CACNA2D3: variants seen among roughly 807,000 people sequenced by gnomAD.
CACNA2D3 encodes voltage-dependent calcium channel subunit alpha-2/delta-3.
CACNA2D3 carries 60 observed loss-of-function variants against 160.6 expected under a neutral mutation model. The ratio of observed to expected loss-of-function variants is 0.37; its 90% CI spans 0.30 to 0.46. The LOEUF (loss-of-function observed/expected upper bound fraction) is 0.46, where lower values mean the gene tolerates loss of function less well. Among genes scored for constraint, CACNA2D3 ranks in the 20% least tolerant of loss-of-function variants. The pLI is 1.00. For synonymous variants in CACNA2D3, 558 were observed against 492.9 expected (o/e 1.13, Z -1.75); for missense variants, 1,205 against 1,365.0 (o/e 0.88, Z 1.85).
intron 4 of CACNA2D3, among the ~76,000 whole-genome samples, chr3:54,429,904 G>A (rs1699964363): frequency 6.6e-6 from 1 of 152,158 alleles, no homozygotes. Context: ...GTAATCATAA[G>A]AGGGTTAGAT....
intron 31 of CACNA2D3, among the ~76,000 whole-genome samples, chr3:55,000,213 C>G (rs1038354117): frequency 2.6e-5 from 4 of 152,120 alleles, no homozygotes; most frequent in Admixed American, 2.6e-4. Flanking sequence ...ATCAGCCGAA[C>G]AGGATACAGG....
chr3:54,773,382 C>G (rs1215657453), intron 13 of CACNA2D3, among the ~76,000 whole-genome samples: 1 of 152,126 alleles, frequency 6.6e-6, no homozygotes, highest in East Asian at 1.9e-4. Flanking sequence ...CAAAGAAGTT[C>G]CAATCGTCAA....
intron 11 of CACNA2D3, among the ~76,000 whole-genome samples, chr3:54,739,185 C>T (rs556673060): frequency 1.3e-5 from 2 of 151,850 alleles, no homozygotes; most frequent in African/African-American, 2.4e-5. Context: ...TTGGGGAGGC[C>T]GAGGTGAGTG....
intron 27 of CACNA2D3, among the ~76,000 whole-genome samples, chr3:54,965,064 T>C (rs1702118216): frequency 6.6e-6 from 1 of 152,184 alleles, no homozygotes; most frequent in African/African-American, 2.4e-5. Context: ...ATACTTTTTC[T>C]GTAAAGGACC....
chr3:55,045,961 A>G (rs1704069735), intron 35 of CACNA2D3, among the ~76,000 whole-genome samples: 1 of 151,612 alleles, frequency 6.6e-6, no homozygotes, highest in Admixed American at 6.6e-5. Context: ...CTAGTTTCTT[A>G]TAGTAGAAAC....
At chr3:54,223,180 C>A (rs1203187959) in intron 2 of CACNA2D3, among the ~76,000 whole-genome samples, 1 of 152,140 alleles carries the variant, frequency 6.6e-6, no homozygotes, top group African/African-American at 2.4e-5. Context: ...GGCATATGTT[C>A]TGAGAATTGT....
chr3:54,290,970 A>C (rs1703185145), intron 2 of CACNA2D3, among the ~76,000 whole-genome samples: 2 of 152,342 alleles, frequency 1.3e-5, no homozygotes, highest in East Asian at 1.9e-4. Flanking sequence ...TGACGAGTTA[A>C]TGGGTGCAGC....
At chr3:55,067,894 A>G (rs1167527424) in intron 35 of CACNA2D3, among the ~76,000 whole-genome samples, 3 of 152,248 alleles carry the variant, frequency 2.0e-5, no homozygotes, top group Non-Finnish European at 4.4e-5. Context: ...AGATGCTCAA[A>G]TCACTTGGCT....
intron 18 of CACNA2D3, chr3:54,875,010 T>C (rs1019086305): frequency 6.6e-6 from 1 of 152,176 alleles, no homozygotes; most frequent in Non-Finnish European, 1.5e-5. Flanking sequence ...AAGCCTTTTT[T>C]CCCCTACTAC....
intron 4 of CACNA2D3, among the ~76,000 whole-genome samples, chr3:54,460,621 A>G (rs1280142541): frequency 6.6e-6 from 1 of 152,112 alleles, no homozygotes; most frequent in East Asian, 1.9e-4. Context: ...TTGTACATTG[A>G]TTTTGTATCC....
At chr3:55,006,155 G>A (rs1430683189) in intron 32 of CACNA2D3, among the ~76,000 whole-genome samples, 1 of 152,180 alleles carries the variant, frequency 6.6e-6, no homozygotes, top group Non-Finnish European at 1.5e-5. Context: ...AGGTTCCCAA[G>A]ATATATTTTC....
intron 2 of CACNA2D3, among the ~76,000 whole-genome samples, chr3:54,288,322 G>A (rs1453748409): frequency 6.6e-6 from 1 of 152,128 alleles, no homozygotes; most frequent in African/African-American, 2.4e-5. Context: ...AGAAAATCTA[G>A]AAGAAATGGA....
At chr3:54,954,553 T>G (rs1457441483) in intron 27 of CACNA2D3, among the ~76,000 whole-genome samples, 1 of 152,190 alleles carries the variant, frequency 6.6e-6, no homozygotes, top group Non-Finnish European at 1.5e-5. Flanking sequence ...TTCCCTTTGA[T>G]TCTCTTCCCT....
chr3:54,180,029 CT>C (rs1170808380), intron 2 of CACNA2D3, among the ~76,000 whole-genome samples: 36 of 140,384 alleles, frequency 2.6e-4, no homozygotes, highest in Middle Eastern at 3.7e-3. Flanking sequence ...TTTTTTCTTC[CT>C]TTTTTTTTTA....
chr3:54,858,261 C>A (rs1699214037), intron 17 of CACNA2D3, among the ~76,000 whole-genome samples: 1 of 152,102 alleles, frequency 6.6e-6, no homozygotes, highest in Admixed American at 6.6e-5. Flanking sequence ...GGAATGCAGA[C>A]CCTAGCCCTA....
At chr3:54,523,750 G>A (rs569191167) in intron 5 of CACNA2D3, among the ~76,000 whole-genome samples, 14 of 151,980 alleles carry the variant, frequency 9.2e-5, no homozygotes, top group Admixed American at 3.9e-4. Flanking sequence ...TGTCTTTGTA[G>A]GAATTTGTCC....
At chr3:54,994,911 C>G (rs1205835663) in intron 31 of CACNA2D3, among the ~76,000 whole-genome samples, 2 of 152,128 alleles carry the variant, frequency 1.3e-5, no homozygotes, top group African/African-American at 2.4e-5. Flanking sequence ...CAGAGTTTTT[C>G]TTTTTACATT....
intron 2 of CACNA2D3, among the ~76,000 whole-genome samples, chr3:54,132,680 TAGAA>T (rs1045676363): frequency 3.0e-4 from 46 of 152,348 alleles, no homozygotes; most frequent in African/African-American, 8.7e-4. Flanking sequence ...TATGTATACT[TAGAA>T]AGAAATCAGA....
intron 4 of CACNA2D3, among the ~76,000 whole-genome samples, chr3:54,471,469 C>T (rs1356510952): frequency 1.3e-5 from 2 of 152,096 alleles, no homozygotes; most frequent in Non-Finnish European, 2.9e-5. Context: ...AAAATCAACA[C>T]CCTAACATCA....
Sources: gnomAD v4.1 joint callset for allele counts (sites outside exome capture counted in the v4.1 genomes callset) on GRCh38, gnomAD v4.1.1 for gene constraint, MANE v1.5 for transcripts, NCBI Gene and HGNC (gene_info 2026-07-23, HGNC 2026-07-21) for gene names.